SLC20A2: variants seen among roughly 807,000 people sequenced by gnomAD.
SLC20A2 encodes solute carrier family 20 member 2.
Under a neutral mutation model 61.0 loss-of-function variants are expected in SLC20A2, and 30 were observed. The observed-to-expected ratio is 0.49, with a 90% CI of 0.37 to 0.67. The LOEUF (loss-of-function observed/expected upper bound fraction) is 0.67, where lower values mean the gene tolerates loss of function less well. SLC20A2 is among the 30% of genes least tolerant of loss of function. The pLI is 0.00. For synonymous variants in SLC20A2, 351 were observed against 353.3 expected (o/e 0.99, Z 0.07); for missense variants, 626 against 866.4 (o/e 0.72, Z 3.48).
At chr8:42,476,320 G>A (rs1038804988) in intron 1 of SLC20A2, among the ~76,000 whole-genome samples, 1 of 151,734 alleles carries the variant, frequency 6.6e-6, no homozygotes, top group Non-Finnish European at 1.5e-5. Context: ...AGCCAGGATG[G>A]TCTCAATCTG....
chr8:42,441,636 T>G (rs1047228982), intron 6 of SLC20A2, among the ~76,000 whole-genome samples: 5 of 141,896 alleles, frequency 3.5e-5, no homozygotes, highest in African/African-American at 1.3e-4. Flanking sequence ...GCCCAGCTAA[T>G]TTTTGTATTT....
At chr8:42,525,328 T>A (rs185034671) in intron 1 of SLC20A2, among the ~76,000 whole-genome samples, 8 of 152,248 alleles carry the variant, frequency 5.3e-5, no homozygotes, top group Non-Finnish European at 1.0e-4. Flanking sequence ...ACCCCTGTAA[T>A]CCCAGCACTT....
At chr8:42,482,025 A>G (rs1490142907) in intron 1 of SLC20A2, among the ~76,000 whole-genome samples, 1 of 152,226 alleles carries the variant, frequency 6.6e-6, no homozygotes, top group Non-Finnish European at 1.5e-5. Context: ...CTAAGTGCAT[A>G]TATTTTTAAA....
chr8:42,523,129 G>A lies in SLC20A2; in HGVS notation c.-265+18692C>T, dbSNP rs182127051. ...GGGCAGATCACGAGGTCAGGAGTTC[G>A]AGACCAGCCTGGCCAATATGGTGAA... On this transcript the variant is annotated intron_variant, in intron 1 of 10. Coordinates refer to the SLC20A2 transcript ENST00000342228. 5.3e-5 allele frequency among the ~76,000 whole-genome samples: 8 copies of A among 152,108 alleles called. No homozygotes were observed. In the South Asian group the frequency reaches 6.2e-4, roughly 12 times the overall value.
intron 5 of SLC20A2, among the ~76,000 whole-genome samples, chr8:42,451,694 G>A (rs1805677428): frequency 7.4e-6 from 1 of 135,932 alleles, no homozygotes; most frequent in African/African-American, 2.8e-5. Context: ...GGAGGGGGAG[G>A]AAGAGATGAA....
At chr8:42,465,689 C>CA (rs376182049) in intron 3 of SLC20A2, 88 bp downstream of exon 3, 84,217 of 1,042,332 alleles carry the variant, frequency 0.081, no homozygotes, top group Non-Finnish European at 0.088. Flanking sequence ...CACTCCGGGT[C>CA]AAAAAAAAAA....
At chr8:42,428,429 G>A (rs953690101) in intron 10 of SLC20A2, among the ~76,000 whole-genome samples, 3 of 152,188 alleles carry the variant, frequency 2.0e-5, no homozygotes, top group African/African-American at 7.2e-5. Context: ...GCTCCCAAGT[G>A]AGCCCACAGG....
intron 1 of SLC20A2, among the ~76,000 whole-genome samples, chr8:42,496,144 GAC>G (rs1262304517): frequency 6.6e-6 from 1 of 152,170 alleles, no homozygotes; most frequent in African/African-American, 2.4e-5. Context: ...TTACTTGTGT[GAC>G]AGTTTTTATT....
At chr8:42,453,917 C>A (rs1229817054) in intron 5 of SLC20A2, among the ~76,000 whole-genome samples, 1 of 152,214 alleles carries the variant, frequency 6.6e-6, no homozygotes, top group African/African-American at 2.4e-5. Context: ...CAGCCTCTAA[C>A]AGGCACGGTT....
intron 1 of SLC20A2, among the ~76,000 whole-genome samples, chr8:42,485,815 G>T (rs953373759): frequency 6.6e-6 from 1 of 151,378 alleles, no homozygotes; most frequent in Non-Finnish European, 1.5e-5. Context: ...GCATGGTGGC[G>T]CATGCCTGTA....
upstream of SLC20A2, among the ~76,000 whole-genome samples, chr8:42,504,745 T>G (rs1810535012): frequency 6.7e-6 from 1 of 148,150 alleles, no homozygotes; most frequent in Non-Finnish European, 1.5e-5. Context: ...CTCAGGAGAC[T>G]GAGGCAGGAG....
chr8:42,459,430 G>A (rs1806529937), intron 5 of SLC20A2, among the ~76,000 whole-genome samples: 1 of 152,060 alleles, frequency 6.6e-6, no homozygotes, highest in Non-Finnish European at 1.5e-5. Flanking sequence ...CGGCTTTAGA[G>A]CTCCGCTGGG....
chr8:42,454,100 T>C (rs1392690624), intron 5 of SLC20A2, among the ~76,000 whole-genome samples: 1 of 151,990 alleles, frequency 6.6e-6, no homozygotes, highest in Admixed American at 6.6e-5. Flanking sequence ...CCCTACTAGG[T>C]TCATGCCATT....
At chr8:42,536,427 C>G (rs566596084) in intron 1 of SLC20A2, 13 of 152,288 alleles carry the variant, frequency 8.5e-5, no homozygotes, top group Non-Finnish European at 1.6e-4. Flanking sequence ...GGCACTTCCT[C>G]CTAATTCCTG....
At chr8:42,516,221 C>T (rs539768727) in intron 1 of SLC20A2, among the ~76,000 whole-genome samples, 5 of 152,304 alleles carry the variant, frequency 3.3e-5, no homozygotes, top group South Asian at 4.1e-4. Flanking sequence ...AGATAAAAAT[C>T]GGTTATTTTT....
intron 1 of SLC20A2, chr8:42,536,391 G>A (rs966326762): frequency 6.6e-6 from 1 of 152,288 alleles, no homozygotes; most frequent in Non-Finnish European, 1.5e-5. Flanking sequence ...CTGCTAACCA[G>A]GCTTGCAGCC....
chr8:42,511,618 C>T (rs865894561), intron 1 of SLC20A2, among the ~76,000 whole-genome samples: 2 of 149,400 alleles, frequency 1.3e-5, no homozygotes, highest in African/African-American at 4.9e-5. Flanking sequence ...CAGAGCAAGA[C>T]TCCATCTCAA....
At chr8:42,533,676 T>TTTTTTTA (rs1812517633) in intron 1 of SLC20A2, among the ~76,000 whole-genome samples, 1 of 141,798 alleles carries the variant, frequency 7.1e-6, no homozygotes, top group African/African-American at 2.6e-5. Context: ...TTTTTTTTTT[T>TTTTTTTA]GAGACGGGAG....
At chr8:42,489,488 T>C (rs34785279) in intron 1 of SLC20A2, among the ~76,000 whole-genome samples, 3,278 of 150,746 alleles carry the variant, frequency 0.022, 48 homozygotes, top group Middle Eastern at 0.072. Flanking sequence ...ACATGTCTTA[T>C]AATTTTTCAT....
Sources: allele counts gnomAD v4.1 joint callset (sites outside exome capture counted in the v4.1 genomes callset), GRCh38; gene constraint gnomAD v4.1.1; transcripts MANE v1.5; gene names NCBI Gene and HGNC (gene_info 2026-07-23, HGNC 2026-07-21).